CPLX2: variants seen among roughly 807,000 people sequenced by gnomAD.
CPLX2 encodes the protein complexin-2.
Under a neutral mutation model 16.3 loss-of-function variants are expected in CPLX2, and 5 were observed. That is an observed-to-expected ratio of 0.31 (90% CI 0.16 to 0.64). CPLX2 has a LOEUF of 0.64. Among genes scored for constraint, CPLX2 ranks in the 30% least tolerant of loss-of-function variants. The probability of loss-of-function intolerance (pLI) is 0.79; values close to 1 mark genes in which losing one functional copy is unlikely to be tolerated. For synonymous variants in CPLX2, 89 were observed against 73.2 expected (o/e 1.22, Z -1.10); for missense variants, 144 against 181.4 (o/e 0.79, Z 1.18).
intron 2 of CPLX2, among the ~76,000 whole-genome samples, chr5:175,826,773 C>G (rs543191275): frequency 6.6e-6 from 1 of 152,310 alleles, no homozygotes; most frequent in African/African-American, 2.4e-5. Flanking sequence ...CTTCCCAACA[C>G]CCACTCCCTC....
chr5:175,821,026 G>C (rs1283814843), intron 2 of CPLX2, among the ~76,000 whole-genome samples: 1 of 152,158 alleles, frequency 6.6e-6, no homozygotes, highest in Non-Finnish European at 1.5e-5. Context: ...TGACACTGCA[G>C]ACCTCCTGGG....
In CPLX2 at chr5:175,849,463, C is replaced by T. The variant is rs550674472; in HGVS notation, c.-88-29189C>T. Among the ~76,000 whole-genome samples the T allele has an allele frequency of 1.1e-4, 17 of 152,330 alleles. 1 individual carries two copies. In the South Asian group the frequency reaches 3.5e-3, roughly 32 times the overall value. The stretch of plus-strand genomic sequence containing the variant: ...ACAGGACCTCATGCATGCAGCCGAA[C>T]CCCACACTGGATGTTAGAGGCACAA... On this transcript the variant is annotated intron_variant, in intron 2 of 4. Transcript: ENST00000359546. The surrounding 1 kb of genome is among the most constrained non-coding windows in gnomAD (Gnocchi z 4.4).
At position 175,835,360 on chromosome 5, in the gene CPLX2, C is replaced by T. The variant is rs546946187; in HGVS notation, c.-89+26292C>T. Among the ~76,000 whole-genome samples, 10 of 152,292 alleles carry T rather than the reference C, an allele frequency of 6.6e-5. No individual in the cohort carries two copies. The South Asian group carries it at 2.1e-3, about 32-fold the overall frequency. ...CATCAAAAATCTGAATCATGCCTCA[C>T]TGGTAAATTCTACCAAATATTTAAG... is the stretch of plus-strand genomic sequence containing the variant. On this transcript the variant is annotated intron_variant, in intron 2 of 4. Coordinates refer to the CPLX2 transcript ENST00000359546.
In CPLX2 at chr5:175,853,045, G is replaced by A. The variant is rs74676781; in HGVS notation, c.-88-25607G>A. ...TGAGGGCCCAGGCCCAACAGCGTGG[G>A]GCAAGACAGTACACGGGTTTCCTTT... On this transcript the variant is annotated intron_variant, in intron 2 of 4. Coordinates refer to the CPLX2 transcript ENST00000359546. Among the ~76,000 whole-genome samples, 872 of 152,294 alleles carry A rather than the reference G, an allele frequency of 5.7e-3. 7 individuals are homozygous for A. Among genetic ancestry groups the A allele is most frequent in the African/African-American group, 0.02 (827 of 41,558 alleles).
rs1460152632 is a variant in CPLX2 at position 175,845,999 on chromosome 5, C to T, written c.-88-32653C>T. 6.6e-6 allele frequency among the ~76,000 whole-genome samples: 1 copy of T among 152,130 alleles called. No homozygotes were observed. Among genetic ancestry groups the T allele is most frequent in the Non-Finnish European group, 1.5e-5 (1 of 68,002 alleles). On this transcript the variant is annotated intron_variant, in intron 2 of 4. Transcript: ENST00000359546. The surrounding 1 kb of genome is among the most constrained non-coding windows in gnomAD (Gnocchi z 4.0). ...CCTCACCTCCTGAAATCAATCAGGG[C>T]GAGACCTTAGTGAGGGCACTAAGGT...
intron 2 of CPLX2, among the ~76,000 whole-genome samples, chr5:175,843,022 C>A (rs577420080): frequency 6.6e-6 from 1 of 152,304 alleles, no homozygotes; most frequent in Admixed American, 6.5e-5. Flanking sequence ...GCTCATCCCC[C>A]CAGGCTGAGC....
In CPLX2 at chr5:175,880,240, A is replaced by C; in HGVS notation, c.*195A>C. On this transcript the variant is annotated 3_prime_UTR_variant, in exon 4 of 4. Transcript: ENST00000393745. ...ATCCCAGGGTATCCACCTGCACCCCACTCCCAAGTAGCTTGAAAAAGGGAG... is the reference window on the plus strand; with the variant it reads ...ATCCCAGGGTATCCACCTGCACCCCCCTCCCAAGTAGCTTGAAAAAGGGAG... The C allele has an allele frequency of 2.8e-6, 2 of 709,426 alleles. No individual in the cohort carries two copies. The highest frequency in any genetic ancestry group is 5.2e-6 in the Non-Finnish European group (2 of 387,846). 43.9% of individuals were successfully genotyped at this position (709,426 alleles called of 1,614,324 possible).
chr5:175,806,189 C>G (rs1471320533), intron 1 of CPLX2, among the ~76,000 whole-genome samples: 1 of 100,144 alleles, frequency 1.0e-5, no homozygotes, highest in East Asian at 3.4e-4. Context: ...TCTGACAACC[C>G]GCCAGTCTTT....
intron 2 of CPLX2, among the ~76,000 whole-genome samples, chr5:175,816,214 C>T (rs2113639015): frequency 6.6e-6 from 1 of 152,074 alleles, no homozygotes; most frequent in African/African-American, 2.4e-5. Flanking sequence ...TGTCGCCAGG[C>T]TGGAGTGCAG....
chr5:175,819,293 G>T (rs1488773427), intron 2 of CPLX2, among the ~76,000 whole-genome samples: 1 of 152,124 alleles, frequency 6.6e-6, no homozygotes, highest in Non-Finnish European at 1.5e-5. Flanking sequence ...ACGAGATGCG[G>T]GTTCAGCTCT....
intron 2 of CPLX2, among the ~76,000 whole-genome samples, chr5:175,857,646 A>C (rs1759284584): frequency 6.6e-6 from 1 of 152,220 alleles, no homozygotes; most frequent in Non-Finnish European, 1.5e-5. Flanking sequence ...TGGAAAACAG[A>C]GTGGTTGTAT....
intron 2 of CPLX2, among the ~76,000 whole-genome samples, chr5:175,820,421 A>C (rs761884522): frequency 1.3e-5 from 2 of 152,112 alleles, no homozygotes; most frequent in Non-Finnish European, 2.9e-5. Context: ...CAGCCACAAC[A>C]GGCCACTGGT....
intron 2 of CPLX2, among the ~76,000 whole-genome samples, chr5:175,852,251 A>G (rs1273347746): frequency 6.6e-6 from 1 of 152,228 alleles, no homozygotes; most frequent in African/African-American, 2.4e-5. Flanking sequence ...TACCAATGAC[A>G]AAGTATTTTC....
chr5:175,875,177 G>A (rs143720968), intron 1 of CPLX2, among the ~76,000 whole-genome samples: 35 of 152,288 alleles, frequency 2.3e-4, no homozygotes, highest in African/African-American at 8.4e-4. Flanking sequence ...ATACCATGTG[G>A]AGATCACTTC....
chr5:175,825,946 A>G (rs1180883518), intron 2 of CPLX2, among the ~76,000 whole-genome samples: 1 of 150,612 alleles, frequency 6.6e-6, no homozygotes, highest in East Asian at 1.9e-4. Flanking sequence ...GCAAAAAAAA[A>G]AAAAAAAAAA....
At chr5:175,879,129 T>A in intron 3 of CPLX2, 46 bp downstream of exon 3, 1 of 1,526,974 alleles carries the variant, frequency 6.5e-7, no homozygotes, top group Non-Finnish European at 8.8e-7. Flanking sequence ...CACAAGCGGG[T>A]AAAACCGGTC....
upstream of CPLX2, among the ~76,000 whole-genome samples, chr5:175,867,132 T>C (rs910374607): frequency 3.3e-5 from 5 of 152,200 alleles, no homozygotes; most frequent in Middle Eastern, 3.4e-3. Flanking sequence ...CCAGGTGGGA[T>C]AGAAGCCAGC....
Position 175,838,535 on chromosome 5 carries a change from C to CTGGGATTACAG in CPLX2, c.-89+29467_-89+29468insTGGGATTACAG, listed in dbSNP as rs567266356. The stretch of plus-strand genomic sequence containing the variant: ...CAACCGCCTCGGCCTCCCAAAAGTG[C>CTGGGATTACAG]GCGTGAGCCACCGCGCCCGGCCCCC... On this transcript the variant is annotated intron_variant, in intron 2 of 4. Coordinates refer to the CPLX2 transcript ENST00000359546. Among the ~76,000 whole-genome samples the CTGGGATTACAG allele has an allele frequency of 2.3e-3, 344 of 152,182 alleles. 3 individuals are homozygous for CTGGGATTACAG. Among genetic ancestry groups the CTGGGATTACAG allele is most frequent in the African/African-American group, 7.8e-3 (324 of 41,526 alleles).
At chr5:175,836,135 G>A (rs1758831652) in intron 2 of CPLX2, among the ~76,000 whole-genome samples, 2 of 152,146 alleles carry the variant, frequency 1.3e-5, no homozygotes, top group South Asian at 2.1e-4. Context: ...CAGATCACGA[G>A]GTCAGGAGAT....
Sources: allele counts gnomAD v4.1 joint callset (sites outside exome capture counted in the v4.1 genomes callset), GRCh38; gene constraint gnomAD v4.1.1; non-coding constraint Gnocchi (gnomAD v3.1); transcripts MANE v1.5; gene names NCBI Gene and HGNC (gene_info 2026-07-23, HGNC 2026-07-21).